The following ARMH3 variants were observed in gnomAD, a reference collection of about 807,000 sequenced individuals.
ARMH3 encodes armadillo-like helical domain-containing protein 3.
In ARMH3, 60 loss-of-function variants were observed where a neutral mutation model predicts 99.1. That is an observed-to-expected ratio of 0.61 (90% CI 0.49 to 0.75). ARMH3 has a LOEUF of 0.75. Ranked by LOEUF, ARMH3 falls within the 30% of genes least tolerant of loss-of-function variation. ARMH3 has a pLI of 0.00. For missense variants in ARMH3, 679 were observed against 843.1 expected (o/e 0.81, Z 2.41); for synonymous variants, 285 against 292.8 (o/e 0.97, Z 0.27).
intron 23 of ARMH3, among the ~76,000 whole-genome samples, chr10:101,920,505 C>T (rs1488305179): frequency 6.6e-6 from 1 of 151,938 alleles, no homozygotes; most frequent in Admixed American, 6.6e-5. Context: ...TGAGAGGGGC[C>T]AGCGAGGGGA....
chr10:101,901,107 G>A (rs563135468), intron 23 of ARMH3, among the ~76,000 whole-genome samples: 2 of 151,450 alleles, frequency 1.3e-5, no homozygotes, highest in South Asian at 4.2e-4. Context: ...GACTAGATGA[G>A]CCATACATAA....
chr10:101,863,387 CA>C (rs921916670), intron 24 of ARMH3, among the ~76,000 whole-genome samples: 38 of 152,104 alleles, frequency 2.5e-4, no homozygotes, highest in African/African-American at 9.2e-4. Context: ...AAAACAGTTT[CA>C]AAACTTTGAA....
rs572227714 is a variant in ARMH3, at chr10:101,969,639, A to C, written c.1495+5573T>G. On this transcript the variant is annotated intron_variant, in intron 20 of 25. Coordinates refer to ENST00000370033, the MANE Select transcript of ARMH3 (RefSeq NM_024541.3). ...TCCATTTTTCCCAGTAGATATCTAA[A>C]AGGTCAGGCCATGTACAATTTCTTT... Among the ~76,000 whole-genome samples, 8 of 152,302 alleles carry C rather than the reference A, an allele frequency of 5.3e-5. No homozygotes were observed. The East Asian group carries it at 1.5e-3, about 29-fold the overall frequency.
At chr10:101,967,467 G>A (rs1037922821) in intron 20 of ARMH3, among the ~76,000 whole-genome samples, 13 of 152,166 alleles carry the variant, frequency 8.5e-5, no homozygotes, top group African/African-American at 1.9e-4. Context: ...AGCCAGATGC[G>A]GTGGCTCAAG....
At chr10:101,849,966 T>C in intron 24 of ARMH3, 74 bp from the exon 25 acceptor site, 2 of 1,381,542 alleles carry the variant, frequency 1.4e-6, no homozygotes, top group South Asian at 2.4e-5. Flanking sequence ...TCTGCTGATC[T>C]ACTGGGTTGG....
intron 14 of ARMH3, among the ~76,000 whole-genome samples, chr10:102,005,901 T>C (rs2066473327): frequency 6.6e-6 from 1 of 152,220 alleles, no homozygotes; most frequent in African/African-American, 2.4e-5. Context: ...AGCCTGTCCT[T>C]TCCAACTGGG....
At chr10:101,994,534 C>T (rs1453050473) in intron 16 of ARMH3, among the ~76,000 whole-genome samples, 2 of 152,144 alleles carry the variant, frequency 1.3e-5, no homozygotes, top group African/African-American at 4.8e-5. Flanking sequence ...TTCTGCCATG[C>T]CTGTGTGTCA....
intron 19 of ARMH3, among the ~76,000 whole-genome samples, chr10:101,984,523 C>T (rs1846372269): frequency 6.6e-6 from 1 of 152,006 alleles, no homozygotes; most frequent in Non-Finnish European, 1.5e-5. Context: ...TGGGTCTGGA[C>T]GGCCTATATT....
At chr10:102,026,053 C>T (rs994650958) in intron 5 of ARMH3, among the ~76,000 whole-genome samples, 12 of 152,160 alleles carry the variant, frequency 7.9e-5, no homozygotes, top group African/African-American at 2.9e-4. Context: ...AACTATCCAA[C>T]GAAGCTAACT....
intron 15 of ARMH3, among the ~76,000 whole-genome samples, chr10:101,996,873 G>T (rs1474587973): frequency 2.0e-5 from 3 of 152,048 alleles, no homozygotes; most frequent in African/African-American, 7.2e-5. Flanking sequence ...TTTTTGCCTA[G>T]TATCTATTAT....
Position 102,033,314 on chromosome 10 carries a change from G to A in ARMH3, c.128C>T (p.Pro43Leu). 6.2e-7 allele frequency: 1 copy of A among 1,613,980 alleles called. No individual in the cohort carries two copies. Among genetic ancestry groups the A allele is most frequent in the Non-Finnish European group, 8.5e-7 (1 of 1,179,988 alleles). Residue 43 changes from proline (P) to leucine (L), a missense_variant, in exon 3 of 26, where the codon CCT becomes CTT. Transcript: ENST00000370033. ...GAGAAAGAGCTCCTCCCAAAACCGA[G>A]GACTGCACTTACTGGGGTCCTCTGT... ...FMTEDPSKCS[P>L]RFWEELFLMK...
At chr10:101,870,630 G>A (rs1589938625) in intron 24 of ARMH3, among the ~76,000 whole-genome samples, 1 of 152,228 alleles carries the variant, frequency 6.6e-6, no homozygotes, top group East Asian at 1.9e-4. Context: ...AGGTCCAGAT[G>A]ACTTCACTGA....
intron 20 of ARMH3, among the ~76,000 whole-genome samples, chr10:101,965,620 C>G (rs958326166): frequency 6.6e-6 from 1 of 152,180 alleles, no homozygotes; most frequent in Admixed American, 6.5e-5. Context: ...TCCAAGTACT[C>G]TTAACTCTGC....
At chr10:101,871,086 T>C (rs2067121165) in intron 24 of ARMH3, among the ~76,000 whole-genome samples, 1 of 152,132 alleles carries the variant, frequency 6.6e-6, no homozygotes. Flanking sequence ...AAATTTAAAA[T>C]ACCATTTACA....
chr10:101,971,087 AC>A (rs1590108378), intron 20 of ARMH3, among the ~76,000 whole-genome samples: 1 of 128,164 alleles, frequency 7.8e-6, no homozygotes, highest in East Asian at 2.3e-4. Flanking sequence ...ACAGAGTGAG[AC>A]CGTCTCCAAA....
rs747822386 is a variant in ARMH3, at chr10:101,849,819, C to T, written c.1934G>A (p.Arg645His). Residue 645 changes from arginine (R) to histidine (H), a missense_variant, in exon 25 of 26, where the codon CGC becomes CAC. Transcript: ENST00000370033. ...KLQDGLDQYE[R>H]YSEQHKEAAF... The stretch of plus-strand genomic sequence containing the variant: ...AGCTTCCTTGTGCTGCTCTGAGTAG[C>T]GCTCATACTGGTCCAGGCCATCCTG... 5.0e-6 allele frequency: 8 copies of T among 1,614,068 alleles called. No homozygotes were observed. Among genetic ancestry groups the T allele is most frequent in the East Asian group, 2.2e-5 (1 of 44,894 alleles).
At chr10:101,968,610 G>A (rs1309084498) in intron 20 of ARMH3, among the ~76,000 whole-genome samples, 1 of 152,188 alleles carries the variant, frequency 6.6e-6, no homozygotes, top group African/African-American at 2.4e-5. Context: ...TGCATGCACA[G>A]AGAAAAGAAC....
chr10:101,847,383 C>A lies in ARMH3; in HGVS notation c.*145G>T. The A allele has an allele frequency of 1.3e-6, 1 of 768,894 alleles. No individual in the cohort carries two copies. The highest frequency in any genetic ancestry group is 2.6e-5 in the East Asian group (1 of 38,830). 47.6% of individuals were successfully genotyped at this position (768,894 alleles called of 1,614,324 possible). A position where few individuals can be genotyped will look rare whatever the true frequency, so the allele number is the denominator to read the frequency against. ...CCCTCCTGCCCCTGCTGCCCAAGCT[C>A]CATTGAAGTGCGGTCTTCACCAAGA... On this transcript the variant is annotated 3_prime_UTR_variant, in exon 26 of 26. Coordinates refer to ENST00000370033, the MANE Select transcript of ARMH3 (RefSeq NM_024541.3).
Position 102,033,346 on chromosome 10 carries a change from C to A in ARMH3, c.103-7G>T, listed in dbSNP as rs763929455. ...ACTTACTGGGGTCCTCTGTCTGAAA[C>A]CAGAATATAAGCACATTCAGCCTTC... is the stretch of plus-strand genomic sequence containing the variant. On this transcript the variant is annotated splice_polypyrimidine_tract_variant and splice_region_variant and intron_variant, in intron 2 of 25. Coordinates refer to ENST00000370033, the MANE Select transcript of ARMH3 (RefSeq NM_024541.3). 7.4e-6 allele frequency: 12 copies of A among 1,613,586 alleles called. No homozygotes were observed. The highest frequency in any genetic ancestry group is 9.3e-6 in the Non-Finnish European group (11 of 1,179,884).
Sources: allele counts gnomAD v4.1 joint callset (sites outside exome capture counted in the v4.1 genomes callset), GRCh38; gene constraint gnomAD v4.1.1; transcripts MANE v1.5; gene names NCBI Gene and HGNC (gene_info 2026-07-23, HGNC 2026-07-21).